The following WWOX variants were observed in gnomAD, a reference collection of about 807,000 sequenced individuals.
WWOX encodes the protein WW domain-containing oxidoreductase.
In WWOX, 69 loss-of-function variants were observed where a neutral mutation model predicts 46.2. The observed-to-expected ratio is 1.49, with a 90% CI of 1.23 to 1.82. The LOEUF (loss-of-function observed/expected upper bound fraction) is 1.82, where lower values mean the gene tolerates loss of function less well. Among genes scored for constraint, WWOX ranks in the 40% most tolerant of loss-of-function variants. The probability of loss-of-function intolerance (pLI) is 0.00; values close to 1 mark genes in which losing one functional copy is unlikely to be tolerated. For synonymous variants in WWOX, 359 were observed against 202.6 expected, an observed-to-expected ratio of 1.77 and a Z score of -6.56; for missense variants, 919 against 542.6, an observed-to-expected ratio of 1.69 and a Z score of -6.89.
At chr16:78,915,877 A>G (rs946679116) in intron 8 of WWOX, among the ~76,000 whole-genome samples, 4 of 152,322 alleles carry the variant, frequency 2.6e-5, no homozygotes, top group African/African-American at 9.6e-5. Flanking sequence ...CGCTCAAAGA[A>G]GAAAAATAGA....
chr16:78,753,815 AAAAAAAAAAAATATATATATAT>A (rs1482389054), intron 8 of WWOX, among the ~76,000 whole-genome samples: 22 of 80,296 alleles, frequency 2.7e-4, no homozygotes, highest in African/African-American at 9.2e-4. Context: ...AAAAAAAAAA[AAAAAAAAAAAATATATATATAT>A]ATATATATAT....
chr16:78,304,097 C>A (rs902758136), intron 5 of WWOX, among the ~76,000 whole-genome samples: 3 of 152,154 alleles, frequency 2.0e-5, no homozygotes, highest in African/African-American at 7.2e-5. Context: ...CTTCGGTGCT[C>A]CTTCTCCAAG....
intron 8 of WWOX, among the ~76,000 whole-genome samples, chr16:78,592,333 CAAAT>C (rs1012492651): frequency 1.3e-5 from 2 of 152,146 alleles, no homozygotes; most frequent in African/African-American, 4.8e-5. Flanking sequence ...AGCATGATAA[CAAAT>C]AAACATTCAA....
chr16:78,865,317 A>C (rs1009372796), intron 8 of WWOX, among the ~76,000 whole-genome samples: 9 of 152,050 alleles, frequency 5.9e-5, no homozygotes, highest in Non-Finnish European at 1.2e-4. Context: ...AATGTAAGAC[A>C]ACTTGCAAGA....
chr16:78,378,060 A>T (rs1207810641), intron 5 of WWOX, among the ~76,000 whole-genome samples: 2 of 152,114 alleles, frequency 1.3e-5, no homozygotes, highest in East Asian at 3.9e-4. Context: ...GTTGATTTGA[A>T]GGTTAGGAAT....
At chr16:78,596,396 G>A (rs1179995243) in intron 8 of WWOX, among the ~76,000 whole-genome samples, 1 of 152,174 alleles carries the variant, frequency 6.6e-6, no homozygotes, top group South Asian at 2.1e-4. Flanking sequence ...CATCAGTGAA[G>A]AGGTAATCCA....
chr16:78,890,089 A>G (rs1248018880), intron 8 of WWOX: 4 of 152,160 alleles, frequency 2.6e-5, no homozygotes, highest in Admixed American at 6.5e-5. Flanking sequence ...GGAAATACAC[A>G]TACACACACA....
chr16:78,242,462 TTCTC>T (rs898559713), intron 5 of WWOX, among the ~76,000 whole-genome samples: 4 of 152,214 alleles, frequency 2.6e-5, no homozygotes, highest in African/African-American at 9.7e-5. Flanking sequence ...GGGTAAATAA[TTCTC>T]TCTCCACACA....
intron 8 of WWOX, chr16:79,204,682 T>G (rs1032885050): frequency 6.6e-6 from 1 of 152,264 alleles, no homozygotes; most frequent in Non-Finnish European, 1.5e-5. Context: ...ACCCTGCCCT[T>G]CAATCCTGCT....
intron 4 of WWOX, among the ~76,000 whole-genome samples, chr16:78,134,229 C>G (rs2033711032): frequency 6.6e-6 from 1 of 152,166 alleles, no homozygotes; most frequent in Admixed American, 6.5e-5. Context: ...AGAAAGCTAT[C>G]TGCTATTATT....
chr16:78,422,690 C>CACACACACATATATATAT (rs2082965345), intron 6 of WWOX, among the ~76,000 whole-genome samples: 4 of 20,724 alleles, frequency 1.9e-4, no homozygotes, highest in African/African-American at 6.0e-4. Context: ...TATATACACA[C>CACACACACATATATATAT]ACACACACAC....
At chr16:78,597,726 A>C (rs2045523623) in intron 8 of WWOX, among the ~76,000 whole-genome samples, 1 of 150,316 alleles carries the variant, frequency 6.7e-6, no homozygotes, top group African/African-American at 2.4e-5. Context: ...ATAATTGCTT[A>C]ATGGGAATCA....
chr16:78,422,650 G>GT lies in WWOX; in HGVS notation c.606-2212dup, dbSNP rs1363690932. ...GGTGAGCCACTGTGCCCAGCCTCCTGTTTTTTTTACATGTATATATATATA... is the reference window on the plus strand; with the variant it reads ...GGTGAGCCACTGTGCCCAGCCTCCTGTTTTTTTTTACATGTATATATATATA... On this transcript the variant is annotated intron_variant, in intron 6 of 8. Coordinates refer to ENST00000566780, the MANE Select transcript of WWOX (RefSeq NM_016373.4). Among the ~76,000 whole-genome samples the GT allele has an allele frequency of 4.0e-4, 12 of 30,246 alleles. 1 individual carries two copies. The highest frequency in any genetic ancestry group is 7.7e-4 in the Non-Finnish European group (7 of 9,128). The allele number at this position is 30,246 out of a possible 152,430, so 19.8% of individuals were successfully genotyped here.
chr16:78,644,499 T>C (rs1013615197), intron 8 of WWOX, among the ~76,000 whole-genome samples: 5 of 152,114 alleles, frequency 3.3e-5, no homozygotes, highest in African/African-American at 7.2e-5. Context: ...TTTGCTCTTA[T>C]TGCTCAGGCT....
intron 8 of WWOX, among the ~76,000 whole-genome samples, chr16:78,966,302 C>T (rs2151317735): frequency 6.6e-6 from 1 of 152,270 alleles, no homozygotes; most frequent in African/African-American, 2.4e-5. Context: ...ATAGCTGTTT[C>T]AGATGGAACC....
At chr16:78,443,422 G>A (rs964769077) in intron 8 of WWOX, among the ~76,000 whole-genome samples, 74 of 152,242 alleles carry the variant, frequency 4.9e-4, no homozygotes, top group East Asian at 3.9e-4. Flanking sequence ...AAGCCCTCCA[G>A]TTGCCTGTTT....
intron 8 of WWOX, among the ~76,000 whole-genome samples, chr16:78,461,931 C>G (rs987749722): frequency 6.6e-6 from 1 of 152,226 alleles, no homozygotes; most frequent in Admixed American, 6.5e-5. Context: ...TTCTGTACTT[C>G]AATCAGCTAG....
intron 4 of WWOX, chr16:78,123,474 T>TTTA (rs2033220656): frequency 8.1e-6 from 1 of 124,196 alleles, no homozygotes; most frequent in Non-Finnish European, 1.6e-5. Flanking sequence ...TTTTGTTTTT[T>TTTA]TGAGATGAAG....
At chr16:78,218,158 G>A (rs939511511) in intron 5 of WWOX, among the ~76,000 whole-genome samples, 17 of 152,066 alleles carry the variant, frequency 1.1e-4, no homozygotes, top group Non-Finnish European at 1.6e-4. Context: ...AGACTGAAGC[G>A]ATCCTCCTGC....
Sources: gnomAD v4.1 joint callset for allele counts (sites outside exome capture counted in the v4.1 genomes callset) on GRCh38, gnomAD v4.1.1 for gene constraint, MANE v1.5 for transcripts, NCBI Gene and HGNC (gene_info 2026-07-23, HGNC 2026-07-21) for gene names.